Variants in CLSTN2 observed in about 807,000 individuals in gnomAD.
The protein encoded by CLSTN2 is calsyntenin 2.
A neutral mutation model predicts 101.2 loss-of-function variants in CLSTN2; 48 were observed. The ratio of observed to expected loss-of-function variants is 0.47; its 90% CI spans 0.38 to 0.60. The LOEUF (loss-of-function observed/expected upper bound fraction) is 0.60, where lower values mean the gene tolerates loss of function less well. Among genes scored for constraint, CLSTN2 ranks in the 20% least tolerant of loss-of-function variants. CLSTN2 has a pLI of 0.00. For synonymous variants in CLSTN2, 481 were observed against 463.6 expected (o/e 1.04, Z -0.48); for missense variants, 1,160 against 1,238.2 (o/e 0.94, Z 0.95).
At chr3:140,461,802 C>T (rs1436326480) in intron 7 of CLSTN2, among the ~76,000 whole-genome samples, 2 of 152,088 alleles carry the variant, frequency 1.3e-5, no homozygotes, top group African/African-American at 2.4e-5. Context: ...AAATTAGCAG[C>T]ACCCCAAGCA....
intron 2 of CLSTN2, among the ~76,000 whole-genome samples, chr3:140,279,194 C>T (rs2086823159): frequency 6.6e-6 from 1 of 152,306 alleles, no homozygotes; most frequent in Admixed American, 6.5e-5. Flanking sequence ...CAGGACTTCC[C>T]TATTCAGATA....
At chr3:140,444,816 T>G (rs978412559) in intron 5 of CLSTN2, among the ~76,000 whole-genome samples, 1 of 152,228 alleles carries the variant, frequency 6.6e-6, no homozygotes, top group African/African-American at 2.4e-5. Flanking sequence ...GCGTGGGATT[T>G]AAACTCAGGT....
chr3:140,130,956 G>A (rs1279495943), intron 1 of CLSTN2, among the ~76,000 whole-genome samples: 1 of 151,924 alleles, frequency 6.6e-6, no homozygotes, highest in Middle Eastern at 3.2e-3. Flanking sequence ...TGATTTCATT[G>A]GACTGAGTTT....
intron 2 of CLSTN2, among the ~76,000 whole-genome samples, chr3:140,304,461 A>G (rs2087092576): frequency 6.6e-6 from 1 of 152,132 alleles, no homozygotes; most frequent in African/African-American, 2.4e-5. Flanking sequence ...TTCTTGTTGT[A>G]TGTTCATAAC....
intron 2 of CLSTN2, among the ~76,000 whole-genome samples, chr3:140,224,421 A>G: frequency 6.6e-6 from 1 of 152,332 alleles, no homozygotes; most frequent in Non-Finnish European, 1.5e-5. Context: ...TGAGTAGTTA[A>G]TATGAGCAGG....
intron 2 of CLSTN2, among the ~76,000 whole-genome samples, chr3:140,389,080 A>G (rs1215418414): frequency 6.6e-6 from 1 of 152,186 alleles, no homozygotes; most frequent in Non-Finnish European, 1.5e-5. Context: ...AAATTTGCTA[A>G]CATGTATTAT....
intron 1 of CLSTN2, among the ~76,000 whole-genome samples, chr3:140,171,764 A>ATATGTAT (rs1491263114): frequency 2.8e-4 from 27 of 96,580 alleles, no homozygotes; most frequent in African/African-American, 1.0e-3. Flanking sequence ...ATAATATATA[A>ATATGTAT]TATATAATAT....
intron 5 of CLSTN2, among the ~76,000 whole-genome samples, chr3:140,426,235 T>A (rs2088563704): frequency 6.6e-6 from 1 of 152,160 alleles, no homozygotes; most frequent in Non-Finnish European, 1.5e-5. Context: ...CACCTAGATA[T>A]TAAGCGCCAC....
chr3:140,051,681 G>A (rs77173722), intron 1 of CLSTN2, among the ~76,000 whole-genome samples: 5,173 of 152,296 alleles, frequency 0.034, 126 homozygotes, highest in Non-Finnish European at 0.052. Flanking sequence ...AATCACCTGG[G>A]AAGCCTCAAA....
chr3:140,363,587 T>C (rs750376066), intron 2 of CLSTN2, among the ~76,000 whole-genome samples: 17 of 148,004 alleles, frequency 1.1e-4, no homozygotes, highest in Non-Finnish European at 2.6e-4. Flanking sequence ...GTGGAAATGC[T>C]GGGCAGTCAG....
chr3:140,194,388 C>A (rs969486374), intron 2 of CLSTN2, among the ~76,000 whole-genome samples: 2 of 152,092 alleles, frequency 1.3e-5, no homozygotes, highest in African/African-American at 4.8e-5. Flanking sequence ...CTCTCAAAGA[C>A]CCCACCTTGA....
chr3:140,094,790 C>G (rs2008840717), intron 1 of CLSTN2, among the ~76,000 whole-genome samples: 1 of 152,148 alleles, frequency 6.6e-6, no homozygotes, highest in South Asian at 2.1e-4. Context: ...AGGGGGCTCT[C>G]CTTGAATATG....
chr3:140,423,612 A>G (rs1359779196), intron 5 of CLSTN2, among the ~76,000 whole-genome samples: 1 of 152,080 alleles, frequency 6.6e-6, no homozygotes, highest in Non-Finnish European at 1.5e-5. Context: ...CTCTTCAAAG[A>G]GCCTAATCAA....
chr3:140,029,225 G>T (rs1011363164), intron 1 of CLSTN2, among the ~76,000 whole-genome samples: 7 of 152,032 alleles, frequency 4.6e-5, no homozygotes, highest in Non-Finnish European at 1.0e-4. Flanking sequence ...GTTTCTCTTA[G>T]GTTGTCTGGA....
At chr3:139,986,691 C>T (rs190629995) in intron 1 of CLSTN2, among the ~76,000 whole-genome samples, 1 of 152,278 alleles carries the variant, frequency 6.6e-6, no homozygotes, top group African/African-American at 2.4e-5. Flanking sequence ...ATTGCACATT[C>T]CTATATTGTT....
chr3:140,191,707 C>A (rs2010568403), intron 2 of CLSTN2, among the ~76,000 whole-genome samples: 1 of 151,838 alleles, frequency 6.6e-6, no homozygotes, highest in Non-Finnish European at 1.5e-5. Context: ...CTGTAGTATC[C>A]TTTTGATATC....
intron 2 of CLSTN2, among the ~76,000 whole-genome samples, chr3:140,208,158 A>G (rs958186253): frequency 6.6e-5 from 10 of 152,036 alleles, no homozygotes; most frequent in Non-Finnish European, 1.5e-4. Context: ...TTTTTCTTCT[A>G]AGCAAAAACA....
chr3:140,123,528 C>G (rs1279659124), intron 1 of CLSTN2, among the ~76,000 whole-genome samples: 1 of 152,148 alleles, frequency 6.6e-6, no homozygotes, highest in East Asian at 1.9e-4. Flanking sequence ...CCTCAGAGGT[C>G]AAAGTAATCA....
chr3:140,145,898 T>C (rs547051150), intron 1 of CLSTN2, among the ~76,000 whole-genome samples: 5 of 152,244 alleles, frequency 3.3e-5, no homozygotes, highest in Admixed American at 1.3e-4. Flanking sequence ...ATGAAAATCA[T>C]TGTCTATGAG....
Sources: allele counts gnomAD v4.1 joint callset (sites outside exome capture counted in the v4.1 genomes callset), GRCh38; gene constraint gnomAD v4.1.1; transcripts MANE v1.5; gene names NCBI Gene and HGNC (gene_info 2026-07-23, HGNC 2026-07-21).